Variants in CHST15 observed in about 807,000 individuals in gnomAD.
CHST15 encodes the protein carbohydrate sulfotransferase 15, also known as B cell RAG associated protein (GALNAC4S-6ST).
CHST15 carries 30 observed loss-of-function variants against 53.6 expected under a neutral mutation model. The observed-to-expected ratio is 0.56, with a 90% confidence interval of 0.42 to 0.76. The LOEUF (loss-of-function observed/expected upper bound fraction) is 0.76. CHST15 is among the 30% of genes least tolerant of loss of function. The probability of loss-of-function intolerance (pLI) is 0.00; values close to 1 mark genes in which losing one functional copy is unlikely to be tolerated. For synonymous variants in CHST15, 296 were observed against 289.8 expected, an observed-to-expected ratio of 1.02 and a Z score of -0.22; for missense variants, 627 against 740.5, an observed-to-expected ratio of 0.85 and a Z score of 1.78.
At chr10:124,087,957 A>T (rs1195386256) in intron 1 of CHST15, among the ~76,000 whole-genome samples, 3 of 152,256 alleles carry the variant, frequency 2.0e-5, no homozygotes, top group African/African-American at 7.2e-5. Flanking sequence ...CAGAGTCCAG[A>T]GAGTGAAGCC....
intron 5 of CHST15, among the ~76,000 whole-genome samples, chr10:124,034,968 AC>A (rs1189731740): frequency 7.3e-5 from 6 of 81,780 alleles, no homozygotes; most frequent in Admixed American, 1.3e-4. Flanking sequence ...CCCTGGCTCT[AC>A]CCCCTAATAG....
intron 2 of CHST15, 65 bp downstream of exon 2, chr10:124,045,602 T>C (rs1233044567): frequency 4.9e-6 from 7 of 1,435,692 alleles, no homozygotes; most frequent in African/African-American, 1.4e-5. Flanking sequence ...AAGATGGTGA[T>C]AGAAAGAAAA....
intron 1 of CHST15, among the ~76,000 whole-genome samples, chr10:124,064,403 C>T (rs1948688206): frequency 6.6e-6 from 1 of 152,246 alleles, no homozygotes; most frequent in South Asian, 2.1e-4. Context: ...CTTCCCCATC[C>T]TTGCAAAGGT....
chr10:124,080,153 A>G (rs781756405), intron 1 of CHST15, among the ~76,000 whole-genome samples: 1 of 152,236 alleles, frequency 6.6e-6, no homozygotes, highest in African/African-American at 2.4e-5. Context: ...TTCTTCACCC[A>G]GAGACGGGAC....
At position 124,046,312 on chromosome 10, in the gene CHST15, C is replaced by T; in HGVS notation, c.-100G>A. 1 of 1,109,736 alleles carries T rather than the reference C, an allele frequency of 9.0e-7. No homozygotes were observed. Among genetic ancestry groups the T allele is most frequent in the South Asian group, 1.6e-5 (1 of 63,316 alleles). The allele number at this position is 1,109,736 out of a possible 1,614,324, so 68.7% of individuals were successfully genotyped here. A position where few individuals can be genotyped will look rare whatever the true frequency, so the allele number is the denominator to read the frequency against. ...TCGTGCTAGAAAACCTTAAGAATGC[C>T]TTGTGATCACAGAAGATGGATGGAA... On this transcript the variant is annotated 5_prime_UTR_variant, in exon 2 of 8. Coordinates refer to ENST00000435907, the MANE Select transcript of CHST15 (RefSeq NM_001270764.2).
intron 1 of CHST15, among the ~76,000 whole-genome samples, chr10:124,050,125 T>C (rs1302081677): frequency 1.3e-5 from 2 of 152,202 alleles, no homozygotes; most frequent in East Asian, 1.9e-4. Context: ...CTGTATAGTA[T>C]GTCAAATACT....
chr10:124,042,230 G>A lies in CHST15; in HGVS notation c.1033+71C>T. On this transcript the variant is annotated intron_variant, in intron 4 of 7. Transcript: ENST00000435907. ...TGTTCTGGAGGTGAAGCAGAGCTGG[G>A]CTAGGCCTGGAGCCAGAGCCAGGAC... 1.3e-6 allele frequency: 2 copies of A among 1,506,014 alleles called. 1 individual carries two copies. The highest frequency in any genetic ancestry group is 2.4e-5 in the South Asian group (2 of 82,376). The allele number at this position is 1,506,014 out of a possible 1,614,324, so 93.3% of individuals were successfully genotyped here.
chr10:124,084,003 A>G (rs916189166), intron 1 of CHST15, among the ~76,000 whole-genome samples: 1 of 152,132 alleles, frequency 6.6e-6, no homozygotes, highest in African/African-American at 2.4e-5. Flanking sequence ...AAGCCCACAC[A>G]ATGTTTCAGA....
chr10:124,032,829 G>T (rs561494087), intron 5 of CHST15, among the ~76,000 whole-genome samples: 3 of 138,256 alleles, frequency 2.2e-5, no homozygotes, highest in Non-Finnish European at 4.6e-5. Context: ...AAAAAAAAAT[G>T]GACTTGCCAC....
chr10:124,044,498 C>G lies in CHST15; in HGVS notation c.886+82G>C, dbSNP rs1947881604. ...CATCTCTTTCTGCCGCCCTCGCCCC[C>G]CAACCCCAGCGCTAACGTTGCGGGA... On this transcript the variant is annotated intron_variant, in intron 3 of 7. Coordinates refer to ENST00000435907, the MANE Select transcript of CHST15 (RefSeq NM_001270764.2). 7 of 1,212,212 alleles carry G rather than the reference C, an allele frequency of 5.8e-6. No individual in the cohort carries two copies. The South Asian group carries it at 1.2e-4, about 21-fold the overall frequency. 75.1% of individuals were successfully genotyped at this position (1,212,212 alleles called of 1,614,324 possible).
chr10:124,088,524 C>T (rs1949507539), intron 1 of CHST15, among the ~76,000 whole-genome samples: 1 of 152,226 alleles, frequency 6.6e-6, no homozygotes, highest in Non-Finnish European at 1.5e-5. Flanking sequence ...TGATTCACGC[C>T]GCCTCCTCCT....
At chr10:124,090,657 G>A (rs1468416677) in intron 1 of CHST15, among the ~76,000 whole-genome samples, 1 of 152,168 alleles carries the variant, frequency 6.6e-6, no homozygotes, top group Non-Finnish European at 1.5e-5. Flanking sequence ...CACTTTTCCT[G>A]GCCAGGGGCA....
chr10:124,017,315 G>T (rs545680828), intron 6 of CHST15, among the ~76,000 whole-genome samples: 2 of 152,268 alleles, frequency 1.3e-5, no homozygotes, highest in South Asian at 2.1e-4. Context: ...CCTGCAGAGA[G>T]AACTCAGTGG....
rs74161103 is a variant in CHST15, at chr10:124,025,859, C to T, written c.1191-4447G>A. Among the ~76,000 whole-genome samples the T allele has an allele frequency of 6.6e-4, 101 of 152,250 alleles. 1 individual carries two copies. Among genetic ancestry groups the T allele is most frequent in the African/African-American group, 2.4e-3 (100 of 41,552 alleles). ...AGGAACGCCAAGGACTGCTGGAGGC[C>T]ACCAAGAGCTGGGAGCAGGGGACGG... On this transcript the variant is annotated intron_variant, in intron 5 of 7. Transcript: ENST00000435907.
At chr10:124,028,078 T>C (rs979827643) in intron 5 of CHST15, among the ~76,000 whole-genome samples, 9 of 152,204 alleles carry the variant, frequency 5.9e-5, no homozygotes, top group African/African-American at 2.2e-4. Flanking sequence ...ACAAATGTAA[T>C]AGAGTGGCAA....
At chr10:124,014,853 G>A (rs1203531491) in intron 6 of CHST15, among the ~76,000 whole-genome samples, 2 of 152,220 alleles carry the variant, frequency 1.3e-5, no homozygotes, top group Admixed American at 6.5e-5. Flanking sequence ...CCTTGTTTGT[G>A]TCCATCCTCA....
rs184672266 is a variant in CHST15, at chr10:124,071,679, A to G, written c.-513+21790T>C. On this transcript the variant is annotated intron_variant, in intron 1 of 7. Coordinates refer to ENST00000435907, the MANE Select transcript of CHST15 (RefSeq NM_001270764.2). ...GTATTTTACACTTAGGTCCATCTCA[A>G]TTTGGATGCTACATTTTCATCTGAA... Among the ~76,000 whole-genome samples the G allele has an allele frequency of 6.4e-3, 972 of 152,288 alleles. 6 individuals carry two copies. The highest frequency in any genetic ancestry group is 0.021 in the African/African-American group (885 of 41,554).
intron 1 of CHST15, among the ~76,000 whole-genome samples, chr10:124,071,056 G>A (rs1041561384): frequency 1.3e-5 from 2 of 152,228 alleles, no homozygotes; most frequent in Non-Finnish European, 2.9e-5. Context: ...CTGGGGTAAA[G>A]AATTCAATTT....
At chr10:124,043,835 G>C (rs1426782498) in intron 3 of CHST15, among the ~76,000 whole-genome samples, 2 of 152,346 alleles carry the variant, frequency 1.3e-5, no homozygotes, top group African/African-American at 4.8e-5. Flanking sequence ...GTCTCCCCCA[G>C]GTGCAGTGAC....
Sources: gnomAD v4.1 joint callset for allele counts (sites outside exome capture counted in the v4.1 genomes callset) on GRCh38, gnomAD v4.1.1 for gene constraint, MANE v1.5 for transcripts, NCBI Gene and HGNC (gene_info 2026-07-23, HGNC 2026-07-21) for gene names.